Variants in JAG1 observed in about 807,000 individuals in gnomAD.
JAG1 encodes the protein jagged canonical Notch ligand 1, also known as protein jagged-1.
Under a neutral mutation model 148.7 loss-of-function variants are expected in JAG1, and 23 were observed. That is an observed-to-expected ratio of 0.15 (90% CI 0.11 to 0.22). The LOEUF is 0.22. JAG1 is among the 10% of genes least tolerant of loss of function. The pLI, the probability that JAG1 is intolerant of heterozygous loss-of-function variation, is 1.00. For missense variants in JAG1, 1,054 were observed against 1,611.2 expected (o/e 0.65, Z 5.92); for synonymous variants, 572 against 598.3 (o/e 0.96, Z 0.64).
At position 10,672,781 on chromosome 20, in the gene JAG1, C is replaced by T. The variant is rs749591256; in HGVS notation, c.307G>A (p.Gly103Arg). The T allele has an allele frequency of 6.2e-7, 1 of 1,613,138 alleles. No individual in the cohort carries two copies. Among genetic ancestry groups the T allele is most frequent in the South Asian group, 1.1e-5 (1 of 91,086 alleles). Residue 103 changes from glycine (G) to arginine (R), a missense_variant, in exon 2 of 26, where the codon GGG becomes AGG. Transcript: ENST00000254958. The part of the protein sequence containing the change: ...SFGSGSTPVI[G>R]GNTFNLKASR... ...GCCTTGAGGTTGAAGGTGTTGCCCC[C>T]GATGACAGGCGTGGACCCTGAGCCG... is the stretch of plus-strand genomic sequence containing the variant.
At chr20:10,668,490 T>C (rs1209017201) in intron 2 of JAG1, among the ~76,000 whole-genome samples, 2 of 152,226 alleles carry the variant, frequency 1.3e-5, no homozygotes, top group Non-Finnish European at 2.9e-5. Flanking sequence ...ACGCTAATTG[T>C]ATGCACATCC....
intron 2 of JAG1, 47 bp downstream of exon 2, chr20:10,672,654 C>G (rs754496526): frequency 1.3e-6 from 2 of 1,587,506 alleles, no homozygotes; most frequent in South Asian, 1.1e-5. Flanking sequence ...CTCGGCCAGG[C>G]GCGGGTGTGA....
In JAG1 at chr20:10,648,112, T is replaced by C; in HGVS notation, c.1570-2A>G. ...AGGCTCACAATAATCGATGTCCAGCTGCAAATATCAGGAACAGCGAAAAGG... is the reference window on the plus strand; with the variant it reads ...AGGCTCACAATAATCGATGTCCAGCCGCAAATATCAGGAACAGCGAAAAGG... On this transcript the variant is annotated splice_acceptor_variant, in intron 12 of 25. Coordinates refer to ENST00000254958, the MANE Select transcript of JAG1 (RefSeq NM_000214.3). LOFTEE classifies it high-confidence loss of function. 1 of 1,614,148 alleles carries C rather than the reference T, an allele frequency of 6.2e-7. No individual in the cohort carries two copies. Among genetic ancestry groups the C allele is most frequent in the Non-Finnish European group, 8.5e-7 (1 of 1,180,026 alleles).
intron 5 of JAG1, among the ~76,000 whole-genome samples, chr20:10,654,300 CAAAAG>C (rs2067364933): frequency 6.6e-6 from 1 of 152,126 alleles, no homozygotes; most frequent in South Asian, 2.1e-4. Flanking sequence ...TGGATGACTT[CAAAAG>C]AAAACAAATA....
chr20:10,652,638 C>T (rs551609185), intron 5 of JAG1, 40 bp from the exon 6 acceptor site: 9 of 1,609,388 alleles, frequency 5.6e-6, no homozygotes, highest in South Asian at 3.3e-5. Flanking sequence ...GCCTTTTGAA[C>T]GTTAAGAGAC....
intron 25 of JAG1, 110 bp downstream of exon 25, chr20:10,640,673 C>T (rs2067264451): frequency 8.6e-7 from 1 of 1,163,210 alleles, no homozygotes; most frequent in Non-Finnish European, 1.3e-6. Flanking sequence ...ATTGGGAGCT[C>T]CTGCGAGGGT....
chr20:10,641,532 G>A lies in JAG1; in HGVS notation c.2844C>T (p.Cys948=). The A allele has an allele frequency of 6.2e-7, 1 of 1,614,214 alleles. No individual in the cohort carries two copies. The highest frequency in any genetic ancestry group is 8.5e-7 in the Non-Finnish European group (1 of 1,180,038). Residue 948 remains cysteine (C), a synonymous_variant, in exon 23 of 26, where the codon TGC becomes TGT. Coordinates refer to ENST00000254958, the MANE Select transcript of JAG1 (RefSeq NM_000214.3). ...TATCCTGGTAATAGGAGTCAGAGGT[G>A]CACTTTGTCTTCACCGGCTGGAGAC... ...SSSLQPVKTK[C]TSDSYYQDNC... is the part of the protein sequence containing the mutation.
rs2067253044 is a variant in JAG1, at chr20:10,639,244, C to T, written c.*254G>A. On this transcript the variant is annotated 3_prime_UTR_variant, in exon 26 of 26. Transcript: ENST00000254958. ...TGGGCAGGCTCCTGGGAGCCTGATC[C>T]GAGACCGTGTCGGCTGCAAGGGGAC... 5 of 525,918 alleles carry T rather than the reference C, an allele frequency of 9.5e-6. No individual in the cohort carries two copies. The highest frequency in any genetic ancestry group is 3.9e-5 in the South Asian group (2 of 51,330). The allele number at this position is 525,918 out of a possible 1,614,324, so 32.6% of individuals were successfully genotyped here.
intron 18 of JAG1, 109 bp downstream of exon 18, chr20:10,644,754 C>A: frequency 1.2e-6 from 1 of 853,724 alleles, no homozygotes; most frequent in East Asian, 2.4e-5. Flanking sequence ...CCAGGTGATA[C>A]AAAAGCAGAC....
chr20:10,639,509 A>G lies in JAG1; in HGVS notation c.3646T>C (p.Tyr1216His), dbSNP rs2067255130. The G allele has an allele frequency of 6.2e-7, 1 of 1,613,912 alleles. No individual in the cohort carries two copies. The highest frequency in any genetic ancestry group is 1.1e-5 in the South Asian group (1 of 91,062). The change falls in exon 26 of 26, where the codon TAC becomes CAC. Residue 1216 changes from tyrosine to histidine, a missense_variant. Transcript: ENST00000254958. The stretch of plus-strand genomic sequence containing the variant: ...GTGCCCGCGGTCTGCTATACGATGT[A>G]CTCCATTCGGTTTAAGCTCTGGGCA... ...ESAQSLNRME[Y>H]IV
Position 10,641,163 on chromosome 20 carries a change from T to A in JAG1, c.2998A>T (p.Ile1000Phe). The A allele has an allele frequency of 6.2e-7, 1 of 1,614,076 alleles. No individual in the cohort carries two copies. ...GCTGAAGGGGAAGGCTCGCAAGCGA[T>A]GTAGATTGAATATTCAGCGGAAACA... ...KNVSAEYSIY[I>F]ACEPSPSANN... Residue 1000 changes from isoleucine (I) to phenylalanine (F), a missense_variant, in exon 24 of 26, where the codon ATC becomes TTC. Ile to Phe is a conservative substitution (Grantham distance 21). This residue lies in a region of JAG1 where 342 missense variants were observed against 514.6 expected (regional missense o/e 0.66). Coordinates refer to ENST00000254958, the MANE Select transcript of JAG1 (RefSeq NM_000214.3).
chr20:10,663,219 C>T (rs769376520), intron 3 of JAG1, among the ~76,000 whole-genome samples: 8 of 152,192 alleles, frequency 5.3e-5, no homozygotes, highest in African/African-American at 9.7e-5. Context: ...AGTTTTCCAG[C>T]GACCGCAACC....
chr20:10,668,826 G>C (rs1406448300), intron 2 of JAG1, among the ~76,000 whole-genome samples: 2 of 152,108 alleles, frequency 1.3e-5, no homozygotes, highest in African/African-American at 4.8e-5. Flanking sequence ...AGTTGCTGCT[G>C]ACTCTCCTTT....
intron 14 of JAG1, 79 bp downstream of exon 14, chr20:10,646,860 C>T: frequency 2.1e-6 from 3 of 1,407,022 alleles, no homozygotes; most frequent in Non-Finnish European, 3.0e-6. Context: ...ACCAATGATC[C>T]CAGGGTGGGC....
rs1040952174 is a variant in JAG1 at position 10,642,531 on chromosome 20, C to A, written c.2529G>T (p.Arg843=). ...CACTGTGCCCTGGAGGGCAGACACA[C>A]CGGTAGCCATTGATCTCATCCACAC... ...ATCVDEINGY[R]CVCPPGHSGA... Residue 843 remains arginine (R), a synonymous_variant, in exon 21 of 26, where the codon CGG becomes CGT. Transcript: ENST00000254958. The A allele has an allele frequency of 5.6e-6, 9 of 1,613,984 alleles. No homozygotes were observed. The highest frequency in any genetic ancestry group is 6.8e-6 in the Non-Finnish European group (8 of 1,179,856).
chr20:10,649,128 C>T, intron 10 of JAG1, 21 bp from the exon 11 acceptor site: 1 of 1,546,210 alleles, frequency 6.5e-7, no homozygotes, highest in South Asian at 1.1e-5. Context: ...AATAAGTCAT[C>T]ATTTTAAAGA....
chr20:10,671,120 G>A (rs2067491849), intron 2 of JAG1, among the ~76,000 whole-genome samples: 1 of 152,194 alleles, frequency 6.6e-6, no homozygotes, highest in African/African-American at 2.4e-5. Context: ...TCCTCCGGCA[G>A]GAGGGTGGAA....
At position 10,639,642 on chromosome 20, in the gene JAG1, G is replaced by T; in HGVS notation, c.3513C>A (p.Ala1171=). 1 of 1,614,210 alleles carries T rather than the reference G, an allele frequency of 6.2e-7. No homozygotes were observed. The highest frequency in any genetic ancestry group is 8.5e-7 in the Non-Finnish European group (1 of 1,180,040). Residue 1171 remains alanine (A), a synonymous_variant, in exon 26 of 26, where the codon GCC becomes GCA. Coordinates refer to ENST00000254958, the MANE Select transcript of JAG1 (RefSeq NM_000214.3). ...MDKHQQKARF[A]KQPAYTLVDR... Reference sequence around the variant, plus strand: ...CTACCAGCGTGTACGCCGGCTGCTTGGCAAACCGGGCTTTCTGCTGGTGTT... The same window carrying T: ...CTACCAGCGTGTACGCCGGCTGCTTTGCAAACCGGGCTTTCTGCTGGTGTT...
chr20:10,670,624 A>C (rs145683728), intron 2 of JAG1, among the ~76,000 whole-genome samples: 36 of 152,114 alleles, frequency 2.4e-4, no homozygotes, highest in African/African-American at 8.4e-4. Context: ...ATACACCTAA[A>C]CTCCAATTTC....
Sources: allele counts gnomAD v4.1 joint callset (sites outside exome capture counted in the v4.1 genomes callset), GRCh38; gene constraint gnomAD v4.1.1; regional missense constraint gnomAD v4.1.1; transcripts MANE v1.5; gene names NCBI Gene and HGNC (gene_info 2026-07-23, HGNC 2026-07-21).